CALCR: variants seen among roughly 807,000 people sequenced by gnomAD.
CALCR encodes the protein calcitonin receptor.
A neutral mutation model predicts 59.5 loss-of-function variants in CALCR; 47 were observed. That is an observed-to-expected ratio of 0.79 (90% CI 0.63 to 1.01). The LOEUF (loss-of-function observed/expected upper bound fraction) is 1.01. CALCR is among the 50% of genes least tolerant of loss of function. The pLI is 0.00. For missense variants in CALCR, 566 were observed against 597.1 expected (o/e 0.95, Z 0.54); for synonymous variants, 213 against 211.3 (o/e 1.01, Z -0.07).
At chr7:93,477,764 T>G (rs1318716936) in intron 4 of CALCR, 96 bp from the exon 5 acceptor site, 2 of 741,950 alleles carry the variant, frequency 2.7e-6, no homozygotes, top group Non-Finnish European at 4.7e-6. Context: ...CTGAGCTCAC[T>G]ACACCAGTCA....
chr7:93,534,468 C>G (rs1229667978), intron 2 of CALCR, among the ~76,000 whole-genome samples: 1 of 151,116 alleles, frequency 6.6e-6, no homozygotes, highest in East Asian at 1.9e-4. Flanking sequence ...GATGGTAAGC[C>G]TGACTCCTTC....
chr7:93,434,861 CA>C (rs1799740849), intron 12 of CALCR, among the ~76,000 whole-genome samples: 1 of 152,178 alleles, frequency 6.6e-6, no homozygotes, highest in South Asian at 2.1e-4. Flanking sequence ...TCGAACTATT[CA>C]AACGATCCCT....
chr7:93,481,882 C>T (rs941927700), intron 3 of CALCR, among the ~76,000 whole-genome samples: 4 of 151,824 alleles, frequency 2.6e-5, no homozygotes, highest in Non-Finnish European at 5.9e-5. Context: ...TGACACTTTC[C>T]CCACTGGTCT....
At chr7:93,537,612 A>G (rs1789024353) in intron 2 of CALCR, among the ~76,000 whole-genome samples, 2 of 151,880 alleles carry the variant, frequency 1.3e-5, no homozygotes, top group South Asian at 4.1e-4. Context: ...AAAAATTAAC[A>G]AAAATAATTT....
intron 8 of CALCR, among the ~76,000 whole-genome samples, chr7:93,448,829 A>G (rs2115751368): frequency 6.6e-6 from 1 of 152,084 alleles, no homozygotes; most frequent in East Asian, 1.9e-4. Context: ...GGGCTGCAAT[A>G]CAGGCTACTT....
intron 2 of CALCR, among the ~76,000 whole-genome samples, chr7:93,574,071 G>C (rs984714476): frequency 6.6e-6 from 1 of 152,196 alleles, no homozygotes; most frequent in African/African-American, 2.4e-5. Flanking sequence ...GAAACCATAA[G>C]TTGTTGGCTC....
rs12704669 is a variant in CALCR at position 93,472,679 on chromosome 7, T to C, written c.317-192A>G. ...TTAATATGTATTGTCTCATTTTATC[T>C]TTAGCAAAGCCATGTGAAGTAGGCA... is the stretch of plus-strand genomic sequence containing the variant. On this transcript the variant is annotated intron_variant, in intron 5 of 13. Coordinates refer to ENST00000426151, the MANE Select transcript of CALCR (RefSeq NM_001742.4). Among the ~76,000 whole-genome samples the C allele has an allele frequency of 0.4, 61,015 of 151,558 alleles. 12,984 individuals carry two copies. The highest frequency in any genetic ancestry group is 0.49 in the South Asian group (2,343 of 4,808).
At chr7:93,511,764 T>C (rs1801551828) in intron 2 of CALCR, among the ~76,000 whole-genome samples, 1 of 152,110 alleles carries the variant, frequency 6.6e-6, no homozygotes, top group African/African-American at 2.4e-5. Context: ...GATGAAGTAG[T>C]AGGGAATTTC....
chr7:93,540,937 C>T (rs1192912745), intron 2 of CALCR, among the ~76,000 whole-genome samples: 1 of 151,482 alleles, frequency 6.6e-6, no homozygotes, highest in African/African-American at 2.4e-5. Context: ...GAAAATAGTT[C>T]AATATTAATA....
intron 2 of CALCR, among the ~76,000 whole-genome samples, chr7:93,513,085 C>T (rs1478192747): frequency 6.6e-6 from 1 of 152,142 alleles, no homozygotes; most frequent in African/African-American, 2.4e-5. Context: ...CTGCTGCCTC[C>T]ACACTGTTCT....
intron 5 of CALCR, among the ~76,000 whole-genome samples, chr7:93,473,246 C>T (rs1800594370): frequency 6.6e-6 from 1 of 151,800 alleles, no homozygotes; most frequent in Non-Finnish European, 1.5e-5. Flanking sequence ...GCACTGTGCT[C>T]AGCACTTTGC....
At chr7:93,529,386 G>A (rs985917051) in intron 2 of CALCR, among the ~76,000 whole-genome samples, 2 of 152,126 alleles carry the variant, frequency 1.3e-5, no homozygotes, top group Non-Finnish European at 2.9e-5. Flanking sequence ...AGAAGCAGGA[G>A]CCACCATGCT....
At chr7:93,482,796 C>G in intron 3 of CALCR, 1 of 533,642 alleles carries the variant, frequency 1.9e-6, no homozygotes, top group Non-Finnish European at 3.9e-6. Flanking sequence ...TTGAAACAAA[C>G]TCCAGTGAAC....
intron 2 of CALCR, among the ~76,000 whole-genome samples, chr7:93,548,232 T>A (rs754537669): frequency 2.0e-5 from 3 of 152,170 alleles, no homozygotes; most frequent in African/African-American, 4.8e-5. Context: ...AGCCCACCTC[T>A]CATTCATCTT....
chr7:93,470,963 C>T (rs908384738), intron 6 of CALCR, among the ~76,000 whole-genome samples: 2 of 141,432 alleles, frequency 1.4e-5, no homozygotes, highest in South Asian at 2.2e-4. Flanking sequence ...GTGTGATGTT[C>T]CCCTTCCTGT....
Position 93,492,031 on chromosome 7 carries a change from G to A in CALCR, c.-26-5024C>T, listed in dbSNP as rs534335569. Among the ~76,000 whole-genome samples the A allele has an allele frequency of 9.9e-5, 15 of 151,936 alleles. No homozygotes were observed. In the Middle Eastern group the frequency reaches 0.017, roughly 172 times the overall value. On this transcript the variant is annotated intron_variant, in intron 2 of 13. Transcript: ENST00000426151. ...GCCCATCAAAGATAGACCGTATAAA[G>A]AAAATGTGGTACATATACACAATGG...
intron 13 of CALCR, among the ~76,000 whole-genome samples, chr7:93,428,630 C>G (rs1187951384): frequency 6.6e-6 from 1 of 152,010 alleles, no homozygotes; most frequent in Non-Finnish European, 1.5e-5. Flanking sequence ...GAAACCCTGT[C>G]TCTACTAAAA....
In CALCR at chr7:93,430,809, T is replaced by G. The variant is rs528003199; in HGVS notation, c.1191+3444A>C. Among the ~76,000 whole-genome samples, 49 of 152,296 alleles carry G rather than the reference T, an allele frequency of 3.2e-4. 2 individuals are homozygous for G. In the South Asian group the frequency reaches 0.01, roughly 32 times the overall value. ...GCTGCTGGGGCCAAGCAATCCCTGG[T>G]TTCAGAAATCTTCCAGGTGATTCTG... On this transcript the variant is annotated intron_variant, in intron 13 of 13. Transcript: ENST00000426151.
intron 2 of CALCR, among the ~76,000 whole-genome samples, chr7:93,532,715 G>A (rs1198307666): frequency 6.6e-6 from 1 of 151,638 alleles, no homozygotes; most frequent in Non-Finnish European, 1.5e-5. Flanking sequence ...TGTGGCCTAT[G>A]GAAGCAATTC....
Sources: allele counts gnomAD v4.1 joint callset (sites outside exome capture counted in the v4.1 genomes callset), GRCh38; gene constraint gnomAD v4.1.1; transcripts MANE v1.5; gene names NCBI Gene and HGNC (gene_info 2026-07-23, HGNC 2026-07-21).